Variants in CCSER1 observed in about 807,000 individuals in gnomAD.
The protein encoded by CCSER1 is serine-rich coiled-coil domain-containing protein 1.
Under a neutral mutation model 82.0 loss-of-function variants are expected in CCSER1, and 41 were observed. That is an observed-to-expected ratio of 0.50 (90% CI 0.39 to 0.65). The LOEUF is 0.65. CCSER1 is among the 30% of genes least tolerant of loss of function. The pLI is 0.00. For missense variants in CCSER1, 1,119 were observed against 1,064.2 expected (o/e 1.05, Z -0.72); for synonymous variants, 414 against 383.9 (o/e 1.08, Z -0.92).
At chr4:90,797,361 A>C (rs939636371) in intron 7 of CCSER1, among the ~76,000 whole-genome samples, 5 of 152,048 alleles carry the variant, frequency 3.3e-5, no homozygotes, top group African/African-American at 1.2e-4. Flanking sequence ...CTTTATTTTG[A>C]ACCTACGTCA....
At chr4:90,200,894 A>G (rs1737567950) in intron 1 of CCSER1, among the ~76,000 whole-genome samples, 1 of 152,154 alleles carries the variant, frequency 6.6e-6, no homozygotes. Context: ...GTAGAGATGA[A>G]TAGGAAATAC....
intron 8 of CCSER1, among the ~76,000 whole-genome samples, chr4:90,855,667 G>A (rs878888113): frequency 3.3e-5 from 5 of 151,780 alleles, no homozygotes; most frequent in Non-Finnish European, 5.9e-5. Context: ...TTTTTTTCTT[G>A]GAGATAAGTG....
chr4:90,786,102 A>G (rs1754474490), intron 7 of CCSER1, among the ~76,000 whole-genome samples: 1 of 152,182 alleles, frequency 6.6e-6, no homozygotes, highest in African/African-American at 2.4e-5. Flanking sequence ...TTTGTCAGAT[A>G]CTTTCTCAAG....
At chr4:91,472,411 G>A (rs1015486728) in intron 10 of CCSER1, among the ~76,000 whole-genome samples, 9 of 152,080 alleles carry the variant, frequency 5.9e-5, no homozygotes, top group Non-Finnish European at 8.8e-5. Flanking sequence ...AAGATTTTAC[G>A]TTTTTTTCCC....
chr4:90,686,836 A>G (rs978336033), intron 6 of CCSER1, among the ~76,000 whole-genome samples: 21 of 152,308 alleles, frequency 1.4e-4, no homozygotes, highest in Admixed American at 5.9e-4. Flanking sequence ...CTGCCAATTT[A>G]GTGTTTTAAA....
intron 3 of CCSER1, among the ~76,000 whole-genome samples, chr4:90,373,712 G>A (rs772857839): frequency 6.6e-6 from 1 of 152,124 alleles, no homozygotes; most frequent in Non-Finnish European, 1.5e-5. Flanking sequence ...TGGGTCTCCA[G>A]CATTTTTTCA....
At chr4:90,138,800 C>T (rs1408179809) in intron 1 of CCSER1, among the ~76,000 whole-genome samples, 1 of 152,010 alleles carries the variant, frequency 6.6e-6, no homozygotes, top group Non-Finnish European at 1.5e-5. Context: ...TGTGCTGCAC[C>T]CATTAACTCC....
At chr4:90,326,790 C>T (rs548138642) in intron 3 of CCSER1, among the ~76,000 whole-genome samples, 72 of 152,180 alleles carry the variant, frequency 4.7e-4, no homozygotes, top group African/African-American at 1.6e-3. Flanking sequence ...CCCTTTCTTT[C>T]GGCATCCGAT....
intron 6 of CCSER1, among the ~76,000 whole-genome samples, chr4:90,713,486 C>T (rs1741035499): frequency 6.6e-6 from 1 of 151,952 alleles, no homozygotes; most frequent in Admixed American, 6.6e-5. Flanking sequence ...TCTCTTCTGG[C>T]TTGTAGGCTT....
At chr4:90,155,174 G>A (rs1402504310) in intron 1 of CCSER1, among the ~76,000 whole-genome samples, 8 of 152,142 alleles carry the variant, frequency 5.3e-5, no homozygotes, top group African/African-American at 1.9e-4. Context: ...TTATACGCTG[G>A]ATTACATTTA....
At chr4:91,417,652 A>G (rs2091765) in intron 10 of CCSER1, among the ~76,000 whole-genome samples, 117,120 of 151,686 alleles carry the variant, frequency 0.77, 45,798 homozygotes, top group African/African-American at 0.9. Context: ...AAGAACACAT[A>G]GATACATGTT....
At chr4:90,990,739 C>T (rs1736958092) in intron 9 of CCSER1, among the ~76,000 whole-genome samples, 1 of 151,838 alleles carries the variant, frequency 6.6e-6, no homozygotes, top group South Asian at 2.1e-4. Context: ...AAGTTGAGAA[C>T]AGGTCTTCTG....
At chr4:91,204,532 C>T (rs1736186959) in intron 10 of CCSER1, among the ~76,000 whole-genome samples, 1 of 151,828 alleles carries the variant, frequency 6.6e-6, no homozygotes, top group African/African-American at 2.4e-5. Context: ...CAGTTAGTAT[C>T]TCAAACATCT....
intron 8 of CCSER1, among the ~76,000 whole-genome samples, chr4:90,817,642 T>TA (rs57646927): frequency 2.6e-5 from 4 of 151,756 alleles, no homozygotes; most frequent in Admixed American, 1.3e-4. Context: ...ATGTTAACTT[T>TA]AAAAAAAATA....
intron 8 of CCSER1, among the ~76,000 whole-genome samples, chr4:90,821,423 C>A (rs1759708031): frequency 6.6e-6 from 1 of 151,908 alleles, no homozygotes; most frequent in African/African-American, 2.4e-5. Flanking sequence ...CGTTCAGAAT[C>A]AAAAATAAAA....
intron 10 of CCSER1, among the ~76,000 whole-genome samples, chr4:91,335,541 G>C (rs1424509081): frequency 6.6e-6 from 1 of 152,106 alleles, no homozygotes; most frequent in African/African-American, 2.4e-5. Context: ...TGGAGAAAGA[G>C]ACTGTTTTTC....
At chr4:90,459,221 GGTAAC>G (rs1189006881) in intron 4 of CCSER1, among the ~76,000 whole-genome samples, 1 of 152,008 alleles carries the variant, frequency 6.6e-6, no homozygotes, top group Non-Finnish European at 1.5e-5. Context: ...ATAATGACAA[GGTAAC>G]GTATTTTCCA....
chr4:91,023,925 A>G (rs1740248139), intron 9 of CCSER1, among the ~76,000 whole-genome samples: 1 of 152,208 alleles, frequency 6.6e-6, no homozygotes, highest in Non-Finnish European at 1.5e-5. Flanking sequence ...AACAGCTGAA[A>G]CTGGGTAATT....
chr4:90,884,082 AAGTATC>A (rs1721750997), intron 8 of CCSER1, among the ~76,000 whole-genome samples: 1 of 152,098 alleles, frequency 6.6e-6, no homozygotes, highest in Non-Finnish European at 1.5e-5. Flanking sequence ...GTTCAATTTT[AAGTATC>A]TAAGAGACCT....
Sources: allele counts gnomAD v4.1 joint callset (sites outside exome capture counted in the v4.1 genomes callset), GRCh38; gene constraint gnomAD v4.1.1; transcripts MANE v1.5; gene names NCBI Gene and HGNC (gene_info 2026-07-23, HGNC 2026-07-21).